Variants in PTPRT observed in about 807,000 individuals in gnomAD.
PTPRT encodes protein tyrosine phosphatase receptor type T, also known as receptor-type tyrosine-protein phosphatase T.
PTPRT carries 56 observed loss-of-function variants against 176.8 expected under a neutral mutation model. The observed-to-expected ratio is 0.32, with a 90% CI of 0.26 to 0.40. The LOEUF (loss-of-function observed/expected upper bound fraction) is 0.40, where lower values mean the gene tolerates loss of function less well. Ranked by LOEUF, PTPRT falls within the 10% of genes least tolerant of loss-of-function variation. The pLI, the probability that PTPRT is intolerant of heterozygous loss-of-function variation, is 1.00. For missense variants in PTPRT, 1,540 were observed against 1,908.2 expected, an observed-to-expected ratio of 0.81 and a Z score of 3.60; for synonymous variants, 783 against 739.0, an observed-to-expected ratio of 1.06 and a Z score of -0.96.
At chr20:42,525,367 G>A (rs909139746) in intron 7 of PTPRT, among the ~76,000 whole-genome samples, 1 of 152,130 alleles carries the variant, frequency 6.6e-6, no homozygotes, top group African/African-American at 2.4e-5. Context: ...AAGTACATAA[G>A]CTTTATTCAG....
intron 17 of PTPRT, among the ~76,000 whole-genome samples, chr20:42,145,197 C>G (rs1164895524): frequency 6.6e-6 from 1 of 152,162 alleles, no homozygotes. Context: ...AAATACATCT[C>G]TATTTACAAA....
the PTPRT span, among the ~76,000 whole-genome samples, chr20:42,054,325 G>T: frequency 6.6e-6 from 1 of 152,206 alleles, no homozygotes; most frequent in Non-Finnish European, 1.5e-5. Context: ...TGTTTTGGGT[G>T]AGAGTCCAAA....
At chr20:42,224,971 C>T (rs1016782685) in intron 15 of PTPRT, among the ~76,000 whole-genome samples, 1 of 152,238 alleles carries the variant, frequency 6.6e-6, no homozygotes, top group East Asian at 1.9e-4. Context: ...CCCCATTCAA[C>T]CCCAGCTCTT....
intron 1 of PTPRT, among the ~76,000 whole-genome samples, chr20:43,087,390 T>C (rs1382879664): frequency 2.8e-5 from 2 of 72,010 alleles, no homozygotes; most frequent in Non-Finnish European, 4.9e-5. Context: ...TTTTTTTTTC[T>C]CCGAAACAGG....
intron 1 of PTPRT, among the ~76,000 whole-genome samples, chr20:43,058,816 A>T (rs914926888): frequency 6.6e-5 from 10 of 151,444 alleles, no homozygotes; most frequent in African/African-American, 9.7e-5. Flanking sequence ...AGAAAACCTT[A>T]TTTTTTTTTC....
chr20:42,686,707 T>C (rs2146101606), intron 6 of PTPRT, among the ~76,000 whole-genome samples: 1 of 152,036 alleles, frequency 6.6e-6, no homozygotes, highest in South Asian at 2.1e-4. Flanking sequence ...TTGGCCAGGA[T>C]GGTCTGGATC....
chr20:42,743,000 T>A (rs1466601306), intron 6 of PTPRT, among the ~76,000 whole-genome samples: 2 of 152,210 alleles, frequency 1.3e-5, no homozygotes, highest in Non-Finnish European at 1.5e-5. Context: ...CCTGTCTTGC[T>A]GGGGTCCCAG....
chr20:42,115,067 A>C (rs1987199380), intron 22 of PTPRT, 132 bp downstream of exon 22: 1 of 669,050 alleles, frequency 1.5e-6, no homozygotes, highest in South Asian at 1.7e-5. Flanking sequence ...GTCTGCCCTG[A>C]TTGCTGATCT....
chr20:42,994,170 GA>G (rs1600631795), intron 1 of PTPRT, among the ~76,000 whole-genome samples: 1 of 152,100 alleles, frequency 6.6e-6, no homozygotes, highest in East Asian at 1.9e-4. Context: ...CCTCATTTCT[GA>G]GCTTCTCTTG....
chr20:42,560,196 A>T (rs1285580624), intron 7 of PTPRT, among the ~76,000 whole-genome samples: 1 of 152,174 alleles, frequency 6.6e-6, no homozygotes, highest in Non-Finnish European at 1.5e-5. Flanking sequence ...GCCGACTTCT[A>T]CAGGTTGCCT....
intron 1 of PTPRT, among the ~76,000 whole-genome samples, chr20:43,173,470 T>C (rs1389729914): frequency 6.6e-6 from 1 of 152,238 alleles, no homozygotes; most frequent in African/African-American, 2.4e-5. Context: ...TCCCATCTGA[T>C]GCCTTGGCTT....
chr20:42,222,973 G>A (rs1359262038), intron 15 of PTPRT, among the ~76,000 whole-genome samples: 1 of 152,140 alleles, frequency 6.6e-6, no homozygotes, highest in Non-Finnish European at 1.5e-5. Context: ...ACTATCTCCA[G>A]GTAGGAACTG....
At chr20:42,529,325 G>T (rs6030304) in intron 7 of PTPRT, among the ~76,000 whole-genome samples, 24,543 of 152,100 alleles carry the variant, frequency 0.16, 2,016 homozygotes, top group Middle Eastern at 0.19. Context: ...GGCACCGTGA[G>T]ACCACGACTG....
At chr20:42,309,500 T>G (rs2057595172) in intron 12 of PTPRT, among the ~76,000 whole-genome samples, 1 of 152,196 alleles carries the variant, frequency 6.6e-6, no homozygotes, top group African/African-American at 2.4e-5. Context: ...AAAGGTCCTT[T>G]AGGACTCTTT....
At chr20:42,304,765 G>T (rs987432161) in intron 12 of PTPRT, among the ~76,000 whole-genome samples, 2 of 152,154 alleles carry the variant, frequency 1.3e-5, no homozygotes, top group African/African-American at 2.4e-5. Flanking sequence ...ATATAAGAGG[G>T]ACTAATTGAG....
chr20:42,886,828 T>C (rs2079110751), intron 1 of PTPRT, among the ~76,000 whole-genome samples: 1 of 152,200 alleles, frequency 6.6e-6, no homozygotes, highest in African/African-American at 2.4e-5. Flanking sequence ...GCCCATTATA[T>C]TCTGGAGGAG....
chr20:42,336,438 G>A (rs971029039), intron 11 of PTPRT, among the ~76,000 whole-genome samples: 3 of 152,010 alleles, frequency 2.0e-5, no homozygotes. Flanking sequence ...GGGGAGGGGG[G>A]GTTGTAAATG....
At chr20:42,483,049 C>T (rs965640545) in intron 7 of PTPRT, among the ~76,000 whole-genome samples, 2 of 152,066 alleles carry the variant, frequency 1.3e-5, no homozygotes, top group African/African-American at 2.4e-5. Context: ...CACAAGGGAT[C>T]GATTGGATAA....
chr20:43,107,475 G>C (rs2012665689), intron 1 of PTPRT, among the ~76,000 whole-genome samples: 1 of 152,168 alleles, frequency 6.6e-6, no homozygotes, highest in Non-Finnish European at 1.5e-5. Flanking sequence ...TAAAATACAA[G>C]ACATCACCTT....
Sources: allele counts gnomAD v4.1 joint callset (sites outside exome capture counted in the v4.1 genomes callset), GRCh38; gene constraint gnomAD v4.1.1; transcripts MANE v1.5; gene names NCBI Gene and HGNC (gene_info 2026-07-23, HGNC 2026-07-21).